Variants in RPTOR observed in about 807,000 individuals in gnomAD.
The protein encoded by RPTOR is regulatory associated protein of MTOR complex 1, also known as regulatory-associated protein of mTOR.
Under a neutral mutation model 169.9 loss-of-function variants are expected in RPTOR, and 21 were observed. That is an observed-to-expected ratio of 0.12 (90% CI 0.09 to 0.18). The LOEUF is 0.18. Ranked by LOEUF, RPTOR falls within the 10% of genes least tolerant of loss-of-function variation. RPTOR has a pLI of 1.00. For synonymous variants in RPTOR, 732 were observed against 753.2 expected (o/e 0.97, Z 0.46); for missense variants, 1,133 against 1,855.9 (o/e 0.61, Z 7.16).
At chr17:80,817,468 C>A (rs1178473761) in intron 7 of RPTOR, among the ~76,000 whole-genome samples, 1 of 151,992 alleles carries the variant, frequency 6.6e-6, no homozygotes, top group African/African-American at 2.4e-5. Flanking sequence ...CCCCGAGAAT[C>A]CAGGTGAGAG....
At chr17:80,602,520 C>G in intron 1 of RPTOR, 1 of 441,738 alleles carries the variant, frequency 2.3e-6, no homozygotes. Context: ...AGTTTTATAA[C>G]TTTATTTGAT....
chr17:80,748,476 A>C, intron 5 of RPTOR, among the ~76,000 whole-genome samples: 1 of 72,546 alleles, frequency 1.4e-5, no homozygotes, highest in Admixed American at 1.4e-4. Context: ...GTGTGTTTGG[A>C]AGCCTTGGCG....
At chr17:80,717,920 C>T (rs766624689) in intron 4 of RPTOR, among the ~76,000 whole-genome samples, 1 of 152,176 alleles carries the variant, frequency 6.6e-6, no homozygotes, top group Non-Finnish European at 1.5e-5. Context: ...CGTAGCGGAA[C>T]GTTTATCGGG....
intron 1 of RPTOR, among the ~76,000 whole-genome samples, chr17:80,607,958 A>G (rs1273847938): frequency 6.6e-6 from 1 of 152,232 alleles, no homozygotes; most frequent in Non-Finnish European, 1.5e-5. Flanking sequence ...CCAAACATAC[A>G]AATTCAGTCC....
chr17:80,665,903 C>T (rs978771676), intron 3 of RPTOR, among the ~76,000 whole-genome samples: 1 of 152,112 alleles, frequency 6.6e-6, no homozygotes, highest in Non-Finnish European at 1.5e-5. Flanking sequence ...AGATCTTCGT[C>T]GGAAAGATGA....
intron 1 of RPTOR, among the ~76,000 whole-genome samples, chr17:80,548,191 C>A (rs1160773187): frequency 1.3e-5 from 2 of 149,462 alleles, no homozygotes; most frequent in Non-Finnish European, 3.0e-5. Flanking sequence ...CTGAGTGATC[C>A]TCTCACCTCA....
At chr17:80,784,002 A>C (rs1425861109) in intron 6 of RPTOR, among the ~76,000 whole-genome samples, 1 of 152,136 alleles carries the variant, frequency 6.6e-6, no homozygotes, top group Non-Finnish European at 1.5e-5. Flanking sequence ...TTTAAGGCAA[A>C]GGATCTCACT....
intron 6 of RPTOR, among the ~76,000 whole-genome samples, chr17:80,784,436 G>A (rs1239423229): frequency 6.6e-6 from 1 of 152,002 alleles, no homozygotes; most frequent in East Asian, 1.9e-4. Context: ...TTGTTGCCCA[G>A]GCTGGAGTGC....
At chr17:80,884,977 G>A (rs1163248589) in intron 16 of RPTOR, 31 bp from the exon 17 acceptor site, 1 of 1,598,590 alleles carries the variant, frequency 6.3e-7, no homozygotes, top group East Asian at 2.3e-5. Flanking sequence ...CCCGGTGTGG[G>A]ACATGCCTGT....
intron 3 of RPTOR, among the ~76,000 whole-genome samples, chr17:80,676,071 A>T (rs1444262284): frequency 7.6e-6 from 1 of 130,900 alleles, no homozygotes; most frequent in Non-Finnish European, 1.7e-5. Context: ...ATTTCTGGTG[A>T]TAAATTATTA....
chr17:80,663,136 C>T (rs1310746548), intron 3 of RPTOR, among the ~76,000 whole-genome samples: 1 of 152,178 alleles, frequency 6.6e-6, no homozygotes, highest in Non-Finnish European at 1.5e-5. Context: ...CTCGTCCGGG[C>T]GGCAGCTCAT....
At chr17:80,816,216 G>A (rs2067321768) in intron 7 of RPTOR, among the ~76,000 whole-genome samples, 1 of 152,284 alleles carries the variant, frequency 6.6e-6, no homozygotes, top group African/African-American at 2.4e-5. Context: ...TGTAGCGTGA[G>A]CCAGGGCAGA....
chr17:80,664,461 G>A (rs914244194), intron 3 of RPTOR, among the ~76,000 whole-genome samples: 2 of 151,988 alleles, frequency 1.3e-5, no homozygotes, highest in African/African-American at 4.8e-5. Context: ...CTGCAGCCTC[G>A]CTCCCTGCGC....
Position 80,964,720 on chromosome 17 carries a change from C to T in RPTOR, c.*390C>T. On this transcript the variant is annotated 3_prime_UTR_variant, in exon 34 of 34. Coordinates refer to ENST00000306801, the MANE Select transcript of RPTOR (RefSeq NM_020761.3). ...CCCCGACAGAGCCCTGGCGGAGAGG[C>T]AGGCGCTGGGGCTCCTACGGGTCCC... 3.5e-6 allele frequency: 1 copy of T among 288,760 alleles called. No homozygotes were observed. Among genetic ancestry groups the T allele is most frequent in the Non-Finnish European group, 6.6e-6 (1 of 150,844 alleles). The allele number at this position is 288,760 out of a possible 1,614,324, so 17.9% of individuals were successfully genotyped here. A position where few individuals can be genotyped will look rare whatever the true frequency, so the allele number is the denominator to read the frequency against.
At chr17:80,851,849 T>C (rs1164877519) in intron 11 of RPTOR, among the ~76,000 whole-genome samples, 1 of 152,254 alleles carries the variant, frequency 6.6e-6, no homozygotes, top group Admixed American at 6.5e-5. Flanking sequence ...CCTGCCACTT[T>C]TTCCATTTGT....
chr17:80,640,130 C>T (rs2143587299), intron 2 of RPTOR, among the ~76,000 whole-genome samples: 1 of 148,144 alleles, frequency 6.8e-6, no homozygotes, highest in Non-Finnish European at 1.5e-5. Flanking sequence ...CTTTTCCATC[C>T]ACCTACCCAT....
chr17:80,554,961 C>T (rs1365511700), intron 1 of RPTOR, among the ~76,000 whole-genome samples: 1 of 152,088 alleles, frequency 6.6e-6, no homozygotes, highest in Non-Finnish European at 1.5e-5. Context: ...TAAGTGAATT[C>T]ATAAATATAT....
chr17:80,780,119 A>G lies in RPTOR; in HGVS notation c.831-11331A>G, dbSNP rs377751108. ...CTCATCGTGTCCATCTGCTTCTATT[A>G]AGTTAATGGGCACAGACACACGGCC... On this transcript the variant is annotated intron_variant, in intron 6 of 33. Coordinates refer to ENST00000306801, the MANE Select transcript of RPTOR (RefSeq NM_020761.3). Among the ~76,000 whole-genome samples the G allele has an allele frequency of 1.8e-4, 28 of 152,288 alleles. No homozygotes were observed. In the East Asian group the frequency reaches 4.3e-3, roughly 23 times the overall value.
intron 7 of RPTOR, among the ~76,000 whole-genome samples, chr17:80,798,124 A>G (rs1255700911): frequency 6.6e-6 from 1 of 152,190 alleles, no homozygotes; most frequent in Non-Finnish European, 1.5e-5. Context: ...AGCTCCCAGC[A>G]ATTCCAGGCT....
Sources: allele counts gnomAD v4.1 joint callset (sites outside exome capture counted in the v4.1 genomes callset), GRCh38; gene constraint gnomAD v4.1.1; transcripts MANE v1.5; gene names NCBI Gene and HGNC (gene_info 2026-07-23, HGNC 2026-07-21).